PARM1: variants seen among roughly 807,000 people sequenced by gnomAD.
PARM1 encodes WSC4, cell wall integrity and stress response component 4 homolog.
In PARM1, 14 loss-of-function variants were observed where a neutral mutation model predicts 24.6. The ratio of observed to expected loss-of-function variants is 0.57; its 90% CI spans 0.38 to 0.89. The LOEUF (loss-of-function observed/expected upper bound fraction) is 0.89, where lower values mean the gene tolerates loss of function less well. Among genes scored for constraint, PARM1 ranks in the 40% least tolerant of loss-of-function variants. PARM1 has a pLI of 0.00. For synonymous variants in PARM1, 179 were observed against 156.6 expected (o/e 1.14, Z -1.07); for missense variants, 362 against 380.4 (o/e 0.95, Z 0.40).
At chr4:75,027,083 G>C (rs1381922847) in intron 2 of PARM1, among the ~76,000 whole-genome samples, 3 of 152,194 alleles carry the variant, frequency 2.0e-5, no homozygotes, top group East Asian at 3.9e-4. Flanking sequence ...TTCCAAGACT[G>C]CTCCAGACTT....
chr4:75,029,458 C>T (rs1251184914), intron 2 of PARM1, among the ~76,000 whole-genome samples: 1 of 152,216 alleles, frequency 6.6e-6, no homozygotes, highest in East Asian at 1.9e-4. Context: ...ATGCTGTTCT[C>T]GTGATAGTGA....
chr4:75,045,648 A>T (rs1483070675), intron 3 of PARM1, among the ~76,000 whole-genome samples: 2 of 152,262 alleles, frequency 1.3e-5, no homozygotes, highest in Non-Finnish European at 2.9e-5. Flanking sequence ...AAACAAGTTT[A>T]AACTATACCT....
intron 3 of PARM1, among the ~76,000 whole-genome samples, chr4:75,038,843 A>C (rs772991393): frequency 6.6e-6 from 1 of 152,212 alleles, no homozygotes; most frequent in Non-Finnish European, 1.5e-5. Flanking sequence ...ATCTCCCTGC[A>C]CAGGAGACCG....
At chr4:74,955,955 A>T (rs545583505) in intron 1 of PARM1, 12 of 152,376 alleles carry the variant, frequency 7.9e-5, no homozygotes, top group African/African-American at 2.9e-4. Context: ...ACCTCCAAAA[A>T]AAACTAATTC....
At chr4:75,001,466 T>C (rs1722679313) in intron 1 of PARM1, among the ~76,000 whole-genome samples, 1 of 152,200 alleles carries the variant, frequency 6.6e-6, no homozygotes, top group South Asian at 2.1e-4. Context: ...GCATTATCTT[T>C]GGAGAGTTAA....
intron 1 of PARM1, among the ~76,000 whole-genome samples, chr4:75,009,603 A>G (rs1460009480): frequency 2.0e-5 from 3 of 152,198 alleles, no homozygotes; most frequent in Non-Finnish European, 4.4e-5. Context: ...CTCAAATAAT[A>G]CCAGGTAGGC....
At chr4:74,948,997 C>T (rs142093235) in intron 1 of PARM1, among the ~76,000 whole-genome samples, 1,817 of 151,678 alleles carry the variant, frequency 0.012, 29 homozygotes, top group African/African-American at 0.041. Context: ...ACTCCAGCCT[C>T]GGCGACAGAG....
At chr4:75,043,627 G>A (rs1578063020) in intron 3 of PARM1, among the ~76,000 whole-genome samples, 1 of 152,200 alleles carries the variant, frequency 6.6e-6, no homozygotes, top group South Asian at 2.1e-4. Flanking sequence ...TGCCAGGCTT[G>A]TAGCAGTAAG....
chr4:74,941,336 T>C (rs986217220), intron 1 of PARM1, among the ~76,000 whole-genome samples: 1 of 152,152 alleles, frequency 6.6e-6, no homozygotes, highest in African/African-American at 2.4e-5. Context: ...TCAAATTACG[T>C]GCAGAAATGT....
chr4:74,964,409 T>G (rs1231003440), intron 1 of PARM1, among the ~76,000 whole-genome samples: 4 of 152,192 alleles, frequency 2.6e-5, no homozygotes, highest in Non-Finnish European at 4.4e-5. Flanking sequence ...GCTTTCAGCA[T>G]TGGTCTGTAC....
intron 1 of PARM1, among the ~76,000 whole-genome samples, chr4:74,987,049 A>C (rs1318225115): frequency 1.3e-5 from 2 of 152,218 alleles, no homozygotes; most frequent in African/African-American, 4.8e-5. Context: ...AATAGGACCT[A>C]ATACATACTA....
intron 1 of PARM1, among the ~76,000 whole-genome samples, chr4:74,933,962 G>A (rs1326591608): frequency 1.3e-5 from 2 of 152,134 alleles, no homozygotes; most frequent in Non-Finnish European, 2.9e-5. Context: ...TCGTCACTGG[G>A]GGTAGCAAGG....
chr4:75,016,313 T>C (rs1008082550), intron 2 of PARM1, among the ~76,000 whole-genome samples: 2 of 152,192 alleles, frequency 1.3e-5, no homozygotes, highest in African/African-American at 2.4e-5. Context: ...CACGCAGAAG[T>C]TGTAAGCACT....
At chr4:75,009,700 A>G (rs1722836230) in intron 1 of PARM1, among the ~76,000 whole-genome samples, 2 of 152,148 alleles carry the variant, frequency 1.3e-5, no homozygotes, top group African/African-American at 4.8e-5. Context: ...GTATTCATGA[A>G]TAAGGTTCTT....
chr4:75,018,729 A>T (rs1332074331), intron 2 of PARM1, among the ~76,000 whole-genome samples: 4 of 152,204 alleles, frequency 2.6e-5, no homozygotes, highest in Middle Eastern at 3.2e-3. Flanking sequence ...CCCTCATCTG[A>T]TCCTCAGAAC....
chr4:75,035,384 T>G (rs1578059377), intron 3 of PARM1, among the ~76,000 whole-genome samples: 1 of 152,286 alleles, frequency 6.6e-6, no homozygotes, highest in East Asian at 1.9e-4. Flanking sequence ...AAATGAGCAG[T>G]GAACCATAAG....
intron 1 of PARM1, among the ~76,000 whole-genome samples, chr4:74,961,060 A>G (rs1195795960): frequency 6.6e-6 from 1 of 152,066 alleles, no homozygotes; most frequent in Non-Finnish European, 1.5e-5. Flanking sequence ...AAAGTCAAGG[A>G]AACAATGTAT....
rs1434251438 is a variant in PARM1 at position 74,935,001 on chromosome 4, T to TC, written c.43+1631_43+1632insC. ...ACCCCAAGAAGCTCTTTTTTCTTTT[T>TC]TTTTTTTTTCTTTTTTCTTTTATTC... is the stretch of plus-strand genomic sequence containing the variant. On this transcript the variant is annotated intron_variant, in intron 1 of 3. Transcript: ENST00000307428. 6.7e-5 allele frequency among the ~76,000 whole-genome samples: 10 copies of TC among 148,412 alleles called. No homozygotes were observed. In the South Asian group the frequency reaches 1.1e-3, roughly 16 times the overall value.
intron 1 of PARM1, among the ~76,000 whole-genome samples, chr4:74,994,815 A>C (rs1042841762): frequency 6.6e-6 from 1 of 151,286 alleles, no homozygotes; most frequent in African/African-American, 2.4e-5. Flanking sequence ...TAAATAAATA[A>C]ATAAATAAAT....
Sources: gnomAD v4.1 joint callset for allele counts (sites outside exome capture counted in the v4.1 genomes callset) on GRCh38, gnomAD v4.1.1 for gene constraint, MANE v1.5 for transcripts, NCBI Gene and HGNC (gene_info 2026-07-23, HGNC 2026-07-21) for gene names.